The following ITCH variants were observed in gnomAD, a reference collection of about 807,000 sequenced individuals.
ITCH encodes the protein itchy E3 ubiquitin protein ligase.
ITCH carries 28 observed loss-of-function variants against 126.8 expected under a neutral mutation model. That is an observed-to-expected ratio of 0.22 (90% CI 0.16 to 0.30). ITCH has a LOEUF of 0.30. ITCH is among the 10% of genes least tolerant of loss of function. The probability of loss-of-function intolerance (pLI) is 1.00; values close to 1 mark genes in which losing one functional copy is unlikely to be tolerated. For missense variants in ITCH, 631 were observed against 1,032.4 expected (o/e 0.61, Z 5.33); for synonymous variants, 342 against 340.0 (o/e 1.01, Z -0.06).
chr20:34,434,987 G>A (rs1401398518), intron 7 of ITCH, among the ~76,000 whole-genome samples: 1 of 152,044 alleles, frequency 6.6e-6, no homozygotes, highest in East Asian at 1.9e-4. Context: ...CTGTATGATT[G>A]TATAGGACTT....
chr20:34,400,724 C>A (rs2038852808), intron 3 of ITCH, among the ~76,000 whole-genome samples: 1 of 145,806 alleles, frequency 6.9e-6, no homozygotes, highest in Non-Finnish European at 1.5e-5. Flanking sequence ...CAGTTGACTG[C>A]AATCTCTGCC....
chr20:34,467,677 C>CT (rs1987200238), intron 14 of ITCH, among the ~76,000 whole-genome samples: 1 of 130,674 alleles, frequency 7.7e-6, no homozygotes, highest in Non-Finnish European at 1.6e-5. Flanking sequence ...TTTTCTTTTT[C>CT]ATTTTTTTTT....
rs770206026 is a variant in ITCH at position 34,452,748 on chromosome 20, T to G, written c.1210+3268T>G. ...AGTGGCTGTTCTCCAGCATAGTAAT[T>G]GCACACTACAGCTTTGAACTCCTGG... On this transcript the variant is annotated intron_variant, in intron 12 of 24. Coordinates refer to ENST00000374864, the MANE Select transcript of ITCH (RefSeq NM_031483.7). Among the ~76,000 whole-genome samples, 85 of 152,286 alleles carry G rather than the reference T, an allele frequency of 5.6e-4. 1 individual carries two copies. Among genetic ancestry groups the G allele is most frequent in the Non-Finnish European group, 7.2e-4 (49 of 68,016 alleles).
In ITCH at chr20:34,404,415, C is replaced by CTT. The variant is rs1302908229; in HGVS notation, c.71-4216_71-4215dup. Among the ~76,000 whole-genome samples, 983 of 120,378 alleles carry CTT rather than the reference C, an allele frequency of 8.2e-3. 17 individuals carry two copies. The highest frequency in any genetic ancestry group is 0.024 in the African/African-American group (787 of 32,470). The allele number at this position is 120,378 out of a possible 152,430, so 79.0% of individuals were successfully genotyped here. On this transcript the variant is annotated intron_variant, in intron 3 of 24. Coordinates refer to ENST00000374864, the MANE Select transcript of ITCH (RefSeq NM_031483.7). ...TTTTTAAATTTCACAGAGCTTCTGT[C>CTT]TTTTTTTTTTTTTTTTTTTTTGAGA...
chr20:34,446,081 T>C (rs2146308980), intron 11 of ITCH, among the ~76,000 whole-genome samples: 1 of 152,364 alleles, frequency 6.6e-6, no homozygotes, highest in Middle Eastern at 3.4e-3. Flanking sequence ...TACTCCAAAA[T>C]CTTCCTTTGC....
At chr20:34,481,742 G>T (rs1322868770) in intron 20 of ITCH, among the ~76,000 whole-genome samples, 1 of 152,144 alleles carries the variant, frequency 6.6e-6, no homozygotes, top group Non-Finnish European at 1.5e-5. Context: ...GCCAGGCATG[G>T]TGGCTCATGC....
At chr20:34,418,757 C>CTTTTTTTTTTTTTTTTTTT (rs373974620) in intron 6 of ITCH, among the ~76,000 whole-genome samples, 1 of 116,534 alleles carries the variant, frequency 8.6e-6, no homozygotes, top group Non-Finnish European at 1.7e-5. Flanking sequence ...TCTTTTTTTC[C>CTTTTTTTTTTTTTTTTTTT]TTTTTTTTTT....
At chr20:34,372,133 C>T (rs1324597574) in intron 2 of ITCH, among the ~76,000 whole-genome samples, 3 of 151,426 alleles carry the variant, frequency 2.0e-5, no homozygotes, top group East Asian at 2.0e-4. Context: ...GGTGAAACCC[C>T]GTCTCTACTA....
chr20:34,366,310 C>T (rs948470774), intron 1 of ITCH, among the ~76,000 whole-genome samples: 37 of 151,990 alleles, frequency 2.4e-4, no homozygotes, highest in African/African-American at 8.5e-4. Context: ...AGTGACAGGA[C>T]CTCCAGAGCT....
chr20:34,460,109 A>G (rs1375807023), intron 13 of ITCH, among the ~76,000 whole-genome samples: 3 of 152,192 alleles, frequency 2.0e-5, no homozygotes, highest in Non-Finnish European at 4.4e-5. Flanking sequence ...ATAACAATTG[A>G]GAATCCTCTT....
intron 14 of ITCH, 82 bp downstream of exon 14, chr20:34,462,303 TGGA>T: frequency 7.0e-7 from 1 of 1,423,740 alleles, no homozygotes; most frequent in African/African-American, 1.4e-5. Context: ...TAGCAAGGAG[TGGA>T]AGTCTTAGTA....
chr20:34,453,272 C>T (rs1312363332), intron 12 of ITCH, among the ~76,000 whole-genome samples: 1 of 152,154 alleles, frequency 6.6e-6, no homozygotes. Context: ...CTCATGTTAT[C>T]TTCTGAAAGG....
intron 14 of ITCH, among the ~76,000 whole-genome samples, chr20:34,462,687 T>C (rs979031995): frequency 6.6e-6 from 1 of 152,248 alleles, no homozygotes; most frequent in Admixed American, 6.5e-5. Flanking sequence ...CACATTCATA[T>C]TGTGGCATAA....
At chr20:34,490,064 T>C in intron 22 of ITCH, 138 bp downstream of exon 22, 1 of 687,826 alleles carries the variant, frequency 1.5e-6, no homozygotes, top group Non-Finnish European at 2.6e-6. Context: ...AATAAATGAA[T>C]ACAGATTATA....
chr20:34,368,509 A>G lies in ITCH; in HGVS notation c.-98-885A>G, dbSNP rs6058026. ...GGCATGTTGACTTTTATGGCTGTAA[A>G]TGATACTGGCTTTGAGTCAATATAA... On this transcript the variant is annotated intron_variant, in intron 1 of 24. Coordinates refer to ENST00000374864, the MANE Select transcript of ITCH (RefSeq NM_031483.7). Among the ~76,000 whole-genome samples the G allele has an allele frequency of 4.6e-3, 703 of 152,224 alleles. 15 individuals are homozygous for G. The highest frequency in any genetic ancestry group is 0.015 in the African/African-American group (642 of 41,536).
At chr20:34,429,267 TG>T (rs1287696879) in intron 7 of ITCH, among the ~76,000 whole-genome samples, 1 of 152,206 alleles carries the variant, frequency 6.6e-6, no homozygotes, top group Non-Finnish European at 1.5e-5. Context: ...AGCCAATTGG[TG>T]GTGTTGGTTC....
rs2038574577 is a variant in ITCH at position 34,393,888 on chromosome 20, T to G, written c.70+7T>G. The stretch of plus-strand genomic sequence containing the variant: ...TCACAGCTTCAGATCACTGGTAAGT[T>G]TTAGAAACATCGGCTGCTTTACTTT... On this transcript the variant is annotated splice_region_variant and intron_variant, in intron 3 of 24. Coordinates refer to ENST00000374864, the MANE Select transcript of ITCH (RefSeq NM_031483.7). The G allele has an allele frequency of 6.2e-7, 1 of 1,611,028 alleles. No individual in the cohort carries two copies.
intron 20 of ITCH, among the ~76,000 whole-genome samples, chr20:34,486,021 G>T (rs565843754): frequency 1.3e-5 from 2 of 151,682 alleles, no homozygotes; most frequent in South Asian, 4.2e-4. Context: ...ATTTTTTGTT[G>T]TTTTTTTTGA....
intron 2 of ITCH, among the ~76,000 whole-genome samples, chr20:34,375,679 AT>A (rs1215735931): frequency 1.4e-5 from 2 of 143,778 alleles, no homozygotes; most frequent in Non-Finnish European, 3.0e-5. Flanking sequence ...TACACTCACA[AT>A]GTATTGGTAG....
Sources: allele counts gnomAD v4.1 joint callset (sites outside exome capture counted in the v4.1 genomes callset), GRCh38; gene constraint gnomAD v4.1.1; transcripts MANE v1.5; gene names NCBI Gene and HGNC (gene_info 2026-07-23, HGNC 2026-07-21).